Variants in NAV2 observed in about 807,000 individuals in gnomAD.
NAV2 encodes helicase, APC down-regulated 1.
NAV2 carries 54 observed loss-of-function variants against 223.2 expected under a neutral mutation model. That is an observed-to-expected ratio of 0.24 (90% confidence interval 0.19 to 0.30). The LOEUF is 0.30. NAV2 is among the 10% of genes least tolerant of loss of function. The probability of loss-of-function intolerance (pLI) is 1.00; values close to 1 mark genes in which losing one functional copy is unlikely to be tolerated. For synonymous variants in NAV2, 1,279 were observed against 1,239.3 expected (o/e 1.03, Z -0.67); for missense variants, 2,806 against 3,147.5 (o/e 0.89, Z 2.60).
At position 19,850,775 on chromosome 11, in the gene NAV2, A is replaced by C. The variant is rs182133379; in HGVS notation, c.438+7852A>C. Among the ~76,000 whole-genome samples, 37 of 152,332 alleles carry C rather than the reference A, an allele frequency of 2.4e-4. No individual in the cohort carries two copies. In the East Asian group the frequency reaches 6.9e-3, roughly 29 times the overall value. ...TAAGCACCCTCACAACCACCAGTTT[A>C]TTAATGTTGATAACAAAAATGATGA... On this transcript the variant is annotated intron_variant, in intron 3 of 37. Transcript: ENST00000349880.
chr11:19,627,349 A>G (rs1179245157), intron 1 of NAV2, among the ~76,000 whole-genome samples: 1 of 151,934 alleles, frequency 6.6e-6, no homozygotes, highest in Non-Finnish European at 1.5e-5. Context: ...AGATCACACC[A>G]CTGCACTCCA....
intron 1 of NAV2, chr11:19,714,165 C>T (rs2050087576): frequency 5.4e-6 from 4 of 744,718 alleles, no homozygotes; most frequent in Non-Finnish European, 6.9e-6. Flanking sequence ...CGGAGGTTTG[C>T]CTTAAGAGCT....
At chr11:19,544,767 G>C (rs2044443263) in intron 1 of NAV2, among the ~76,000 whole-genome samples, 2 of 152,204 alleles carry the variant, frequency 1.3e-5, no homozygotes, top group Non-Finnish European at 1.5e-5. Flanking sequence ...CCCAGCTTTG[G>C]AGCCAGCTAG....
At chr11:19,393,906 C>CTTTTTTTTTTTTTTTTTTTTTTT (rs5790073) in intron 1 of NAV2, among the ~76,000 whole-genome samples, 1 of 135,704 alleles carries the variant, frequency 7.4e-6, no homozygotes, top group Non-Finnish European at 1.5e-5. Flanking sequence ...TTTTTTTTTT[C>CTTTTTTTTTTTTTTTTTTTTTTT]TTTTTTTTTT....
chr11:19,877,467 A>ATTCTTTTTTTTTTTTTTTCTTTT (rs2062909848), intron 4 of NAV2, among the ~76,000 whole-genome samples: 1 of 75,838 alleles, frequency 1.3e-5, no homozygotes, highest in Non-Finnish European at 2.5e-5. Context: ...GCTTATCTTC[A>ATTCTTTTTTTTTTTTTTTCTTTT]TTCTTTTTTT....
At chr11:20,026,318 T>C (rs144137893) in intron 11 of NAV2, among the ~76,000 whole-genome samples, 3,100 of 152,074 alleles carry the variant, frequency 0.02, 117 homozygotes, top group African/African-American at 0.071. Flanking sequence ...TTTTTTATTT[T>C]TATTTTTTTT....
At chr11:20,001,928 A>G (rs2052592185) in intron 11 of NAV2, among the ~76,000 whole-genome samples, 1 of 151,858 alleles carries the variant, frequency 6.6e-6, no homozygotes, top group African/African-American at 2.4e-5. Context: ...TAATCCATTC[A>G]GGCTGCTATA....
chr11:19,402,483 A>G (rs972736691), intron 1 of NAV2, among the ~76,000 whole-genome samples: 2 of 152,158 alleles, frequency 1.3e-5, no homozygotes, highest in African/African-American at 4.8e-5. Context: ...CTCTTTTTGT[A>G]TATTTCCTTC....
chr11:20,088,530 T>C (rs1195351282), intron 26 of NAV2, among the ~76,000 whole-genome samples: 1 of 152,184 alleles, frequency 6.6e-6, no homozygotes, highest in Admixed American at 6.5e-5. Context: ...TCATGAGGCC[T>C]CATCATTGTG....
At chr11:19,685,861 C>T (rs975832566) in intron 1 of NAV2, among the ~76,000 whole-genome samples, 1 of 152,168 alleles carries the variant, frequency 6.6e-6, no homozygotes, top group Non-Finnish European at 1.5e-5. Flanking sequence ...CCACGCTCTG[C>T]ACCAAGAGGT....
chr11:19,563,150 C>T (rs1401227190), intron 1 of NAV2, among the ~76,000 whole-genome samples: 2 of 152,164 alleles, frequency 1.3e-5, no homozygotes, highest in African/African-American at 4.8e-5. Context: ...ATAGAATTTT[C>T]AAAATTTAGA....
intron 10 of NAV2, 67 bp downstream of exon 10, chr11:19,949,147 A>G: frequency 1.3e-6 from 2 of 1,495,038 alleles, no homozygotes; most frequent in Non-Finnish European, 1.8e-6. Flanking sequence ...TCTCTTTTGT[A>G]GGGCTCTATT....
At chr11:19,604,978 T>G (rs1472086048) in intron 1 of NAV2, among the ~76,000 whole-genome samples, 1 of 152,238 alleles carries the variant, frequency 6.6e-6, no homozygotes, top group African/African-American at 2.4e-5. Flanking sequence ...CCCAGCCATG[T>G]GGAACTGTAA....
intron 1 of NAV2, among the ~76,000 whole-genome samples, chr11:19,516,472 A>G (rs546657154): frequency 2.6e-5 from 4 of 152,326 alleles, no homozygotes; most frequent in African/African-American, 7.2e-5. Flanking sequence ...ATTTATTTAC[A>G]ACCTATAGGA....
chr11:19,535,019 A>C (rs2044142689), intron 1 of NAV2, among the ~76,000 whole-genome samples: 1 of 152,162 alleles, frequency 6.6e-6, no homozygotes, highest in Non-Finnish European at 1.5e-5. Flanking sequence ...CCTGGGACAT[A>C]ATAAGTGCTT....
In NAV2 at chr11:19,948,805, T is replaced by C; in HGVS notation, c.2370T>C (p.Pro790=). The C allele has an allele frequency of 6.2e-7, 1 of 1,613,906 alleles. No homozygotes were observed. Among genetic ancestry groups the C allele is most frequent in the East Asian group, 2.2e-5 (1 of 44,834 alleles). ...PLSWRLGQSS[P]RLQAGDAPSM... ...CCTGGAGACTGGGCCAGTCCAGCCCTCGGCTCCAAGCAGGAGACGCCCCCT... is the reference window on the plus strand; with the variant it reads ...CCTGGAGACTGGGCCAGTCCAGCCCCCGGCTCCAAGCAGGAGACGCCCCCT... Residue 790 remains proline, a synonymous_variant, in exon 10 of 38, where the codon CCT becomes CCC. Coordinates refer to ENST00000349880, the MANE Select transcript of NAV2 (RefSeq NM_145117.5).
At chr11:19,348,402 G>GA (rs1187979985), upstream of NAV2, among the ~76,000 whole-genome samples, 1 of 151,716 alleles carries the variant, frequency 6.6e-6, no homozygotes, top group African/African-American at 2.4e-5. Context: ...GCCTGCTTGG[G>GA]AAAAGTCAAA....
chr11:19,992,004 A>G (rs774362234), intron 11 of NAV2, among the ~76,000 whole-genome samples: 2 of 152,196 alleles, frequency 1.3e-5, no homozygotes, highest in African/African-American at 2.4e-5. Context: ...TCCTGCATTC[A>G]AGAGTTATAC....
At chr11:19,833,312 G>A (rs901836844) in intron 2 of NAV2, among the ~76,000 whole-genome samples, 2 of 152,192 alleles carry the variant, frequency 1.3e-5, no homozygotes, top group African/African-American at 4.8e-5. Context: ...GGGAGAAGGT[G>A]CAAGGAGAGG....
Sources: gnomAD v4.1 joint callset for allele counts (sites outside exome capture counted in the v4.1 genomes callset) on GRCh38, gnomAD v4.1.1 for gene constraint, MANE v1.5 for transcripts, NCBI Gene and HGNC (gene_info 2026-07-23, HGNC 2026-07-21) for gene names.